ZFHX3: variants seen among roughly 807,000 people sequenced by gnomAD.
The protein encoded by ZFHX3 is zinc finger homeobox protein 3.
A neutral mutation model predicts 279.1 loss-of-function variants in ZFHX3; 42 were observed. The ratio of observed to expected loss-of-function variants is 0.15; its 90% CI spans 0.12 to 0.19. The LOEUF is 0.19. ZFHX3 is among the 10% of genes least tolerant of loss of function. ZFHX3 has a pLI of 1.00. For synonymous variants in ZFHX3, 2,293 were observed against 1,957.8 expected (o/e 1.17, Z -4.52); for missense variants, 4,981 against 4,754.0 (o/e 1.05, Z -1.40).
intron 1 of ZFHX3, among the ~76,000 whole-genome samples, chr16:73,737,679 A>C (rs2053620967): frequency 6.6e-6 from 1 of 151,680 alleles, no homozygotes; most frequent in South Asian, 2.1e-4. Flanking sequence ...CTTCGGGAAA[A>C]AGGAAAAAAA....
intron 2 of ZFHX3, among the ~76,000 whole-genome samples, chr16:73,648,611 C>T (rs2052642643): frequency 6.6e-6 from 1 of 152,010 alleles, no homozygotes; most frequent in South Asian, 2.1e-4. Context: ...TGGATTTCAC[C>T]ACGTTGGCCA....
intron 1 of ZFHX3, among the ~76,000 whole-genome samples, chr16:73,034,713 C>G (rs527931424): frequency 6.2e-4 from 95 of 152,326 alleles, no homozygotes; most frequent in African/African-American, 2.1e-3. Context: ...GTGGGGCTGT[C>G]CCCTGAGGAG....
chr16:73,467,639 G>A (rs1158473920), intron 2 of ZFHX3, among the ~76,000 whole-genome samples: 3 of 152,098 alleles, frequency 2.0e-5, no homozygotes. Flanking sequence ...TGAGTGTATG[G>A]GTATTCACTG....
chr16:72,993,772 C>A (rs1289603156), intron 1 of ZFHX3, among the ~76,000 whole-genome samples: 1 of 152,150 alleles, frequency 6.6e-6, no homozygotes, highest in East Asian at 1.9e-4. Context: ...GTTCAGGGGG[C>A]ATGGTAGCTT....
At chr16:73,504,147 C>G (rs776921739) in intron 2 of ZFHX3, 3 of 152,244 alleles carry the variant, frequency 2.0e-5, no homozygotes, top group Middle Eastern at 3.4e-3. Context: ...CTCTCCCTCT[C>G]TTTCTTTTAA....
chr16:73,030,001 T>C (rs1964637381), intron 1 of ZFHX3, among the ~76,000 whole-genome samples: 1 of 152,236 alleles, frequency 6.6e-6, no homozygotes, highest in Non-Finnish European at 1.5e-5. Flanking sequence ...CACAAACTCT[T>C]AGGCATGTTT....
At chr16:73,644,701 G>C (rs578261523) in intron 2 of ZFHX3, among the ~76,000 whole-genome samples, 39 of 151,856 alleles carry the variant, frequency 2.6e-4, no homozygotes, top group African/African-American at 9.4e-4. Context: ...AACCTCAGCA[G>C]TTTCCAGTAT....
chr16:73,154,271 G>C (rs541069363), intron 5 of ZFHX3, among the ~76,000 whole-genome samples: 4 of 152,164 alleles, frequency 2.6e-5, no homozygotes, highest in Non-Finnish European at 5.9e-5. Flanking sequence ...TCTCAGTGTT[G>C]TCTTAATCTT....
Position 73,141,297 on chromosome 16 carries a change from A to G in ZFHX3, c.-1024+2455T>C, listed in dbSNP as rs75604466. Among the ~76,000 whole-genome samples the G allele has an allele frequency of 4.8e-3, 724 of 152,270 alleles. 1 individual carries two copies. Among genetic ancestry groups the G allele is most frequent in the African/African-American group, 0.017 (691 of 41,560 alleles). Reference sequence around the variant, plus strand: ...ATGTATTACCCATTTAAAAAAGCTCACACGCTTTCTGAGATTGTTAGAGTA... The same window carrying G: ...ATGTATTACCCATTTAAAAAAGCTCGCACGCTTTCTGAGATTGTTAGAGTA... On this transcript the variant is annotated intron_variant, in intron 6 of 17. Coordinates refer to the ZFHX3 transcript ENST00000641206.
rs762031520 is a variant in ZFHX3, at chr16:72,959,823, AGGGGTGGCG to A, written c.314_322del (p.Pro105_Pro107del). On this transcript the variant is annotated inframe_deletion, in exon 2 of 10. Transcript: ENST00000268489. ...GGTGTCGCTGGCGCTCTCCTCTCTC[AGGGGTGGCG>A]GGGGGCGCGCGCTGGGGCAGTGGTG... The A allele has an allele frequency of 1.7e-5, 27 of 1,594,024 alleles. No individual in the cohort carries two copies. Among genetic ancestry groups the A allele is most frequent in the Non-Finnish European group, 2.3e-5 (27 of 1,168,190 alleles).
rs1402086021 is a variant in ZFHX3 at position 73,173,004 on chromosome 16, TTTTG to T, written c.-1103-29177_-1103-29174del. Among the ~76,000 whole-genome samples the T allele has an allele frequency of 8.0e-3, 454 of 56,976 alleles. 36 individuals are homozygous for T. Among genetic ancestry groups the T allele is most frequent in the Middle Eastern group, 0.015 (1 of 66 alleles). 37.4% of individuals were successfully genotyped at this position (56,976 alleles called of 152,430 possible). A position where few individuals can be genotyped will look rare whatever the true frequency, so the allele number is the denominator to read the frequency against. On this transcript the variant is annotated intron_variant, in intron 5 of 17. Transcript: ENST00000641206. Reference sequence around the variant, plus strand: ...GATGGGACTGTTTTTTTGTTTTTTTTTTTGTTTTTTTTTTTTTTTTTTGGGAGGG... The same window carrying T: ...GATGGGACTGTTTTTTTGTTTTTTTTTTTTTTTTTTTTTTTTTTGGGAGGG...
chr16:73,149,026 A>ATG (rs756415978), intron 5 of ZFHX3, among the ~76,000 whole-genome samples: 256 of 148,918 alleles, frequency 1.7e-3, no homozygotes, highest in Middle Eastern at 3.6e-3. Flanking sequence ...TATTTTATAT[A>ATG]TATATAAAGT....
intron 1 of ZFHX3, chr16:73,006,285 T>A (rs959407475): frequency 6.6e-6 from 1 of 152,182 alleles, no homozygotes; most frequent in Non-Finnish European, 1.5e-5. Context: ...TCTTTCAAGC[T>A]TGAGTTTTCA....
chr16:73,411,617 C>A (rs2017468758), intron 3 of ZFHX3, among the ~76,000 whole-genome samples: 1 of 151,948 alleles, frequency 6.6e-6, no homozygotes, highest in Non-Finnish European at 1.5e-5. Flanking sequence ...TATAAGTTTA[C>A]CTTGTTTTAA....
chr16:73,137,551 A>T (rs1012070944), intron 6 of ZFHX3: 1 of 152,036 alleles, frequency 6.6e-6, no homozygotes, highest in African/African-American at 2.4e-5. Flanking sequence ...GGCTCGTGGG[A>T]CTTGCAAATA....
chr16:73,565,005 CATTTTGGGA>C (rs1305754000), intron 2 of ZFHX3, among the ~76,000 whole-genome samples: 1 of 151,898 alleles, frequency 6.6e-6, no homozygotes, highest in African/African-American at 2.4e-5. Context: ...GTAATCCTAC[CATTTTGGGA>C]GGCCAAGGCG....
intron 1 of ZFHX3, among the ~76,000 whole-genome samples, chr16:73,047,226 G>A (rs1303671729): frequency 6.8e-6 from 1 of 147,322 alleles, no homozygotes. Context: ...TCCCCACCCC[G>A]CCCCTGCCCA....
intron 3 of ZFHX3, among the ~76,000 whole-genome samples, chr16:73,417,739 G>T (rs1265489224): frequency 1.3e-5 from 2 of 151,778 alleles, no homozygotes; most frequent in Non-Finnish European, 2.9e-5. Flanking sequence ...TTGGGAGGCT[G>T]AAGCGGGTGG....
intron 5 of ZFHX3, among the ~76,000 whole-genome samples, chr16:73,145,098 T>C (rs1199687802): frequency 6.6e-6 from 1 of 152,228 alleles, no homozygotes; most frequent in Non-Finnish European, 1.5e-5. Flanking sequence ...CATCGTCCTG[T>C]GGTGACAGGC....
Sources: allele counts gnomAD v4.1 joint callset (sites outside exome capture counted in the v4.1 genomes callset), GRCh38; gene constraint gnomAD v4.1.1; transcripts MANE v1.5; gene names NCBI Gene and HGNC (gene_info 2026-07-23, HGNC 2026-07-21).